The following UGT1A8 variants were observed in gnomAD, a reference collection of about 807,000 sequenced individuals.
The protein encoded by UGT1A8 is UDP-glucuronosyltransferase 1A8.
Under a neutral mutation model 45.3 loss-of-function variants are expected in UGT1A8, and 39 were observed. The ratio of observed to expected loss-of-function variants is 0.86; its 90% CI spans 0.67 to 1.12. The LOEUF (loss-of-function observed/expected upper bound fraction) is 1.12, where lower values mean the gene tolerates loss of function less well. Among genes scored for constraint, UGT1A8 ranks in the 50% most tolerant of loss-of-function variants. UGT1A8 has a pLI of 0.00. For synonymous variants in UGT1A8, 275 were observed against 249.2 expected (o/e 1.10, Z -0.97); for missense variants, 719 against 664.9 (o/e 1.08, Z -0.90).
chr2:233,759,854 G>T (rs1017536593), intron 1 of UGT1A8, among the ~76,000 whole-genome samples: 2 of 152,182 alleles, frequency 1.3e-5, no homozygotes, highest in African/African-American at 4.8e-5. Context: ...AGGTTTCCAT[G>T]GCGAAAGCGG....
rs777238544 is a variant in UGT1A8, at chr2:233,768,345, A to G, written c.1201A>G (p.Met401Val). ...FGDQMDNAKRMETKGAGVTLN... is the reference protein window; with the variant it reads ...FGDQMDNAKRVETKGAGVTLN... ...TGATCAGATGGACAATGCAAAGCGC[A>G]TGGAGACTAAGGGAGCTGGAGTGAC... Residue 401 changes from methionine (M) to valine (V), a missense_variant, in exon 4 of 5, where the codon ATG (methionine) becomes GTG (valine). Coordinates refer to ENST00000373450, the MANE Select transcript of UGT1A8 (RefSeq NM_019076.5). 3 of 1,614,098 alleles carry G rather than the reference A, an allele frequency of 1.9e-6. No individual in the cohort carries two copies. Among genetic ancestry groups the G allele is most frequent in the Non-Finnish European group, 2.5e-6 (3 of 1,180,044 alleles).
chr2:233,734,158 C>CT (rs2078493084), intron 1 of UGT1A8, among the ~76,000 whole-genome samples: 1 of 151,988 alleles, frequency 6.6e-6, no homozygotes, highest in African/African-American at 2.4e-5. Flanking sequence ...TGGTCCTGGA[C>CT]TTTTTTTGGT....
At chr2:233,762,867 G>T (rs1181874118) in intron 1 of UGT1A8, among the ~76,000 whole-genome samples, 2 of 151,628 alleles carry the variant, frequency 1.3e-5, no homozygotes, top group African/African-American at 2.4e-5. Flanking sequence ...AAGAAATTTT[G>T]GTTTCTTCTC....
At chr2:233,639,548 G>A (rs568952948) in intron 1 of UGT1A8, among the ~76,000 whole-genome samples, 1 of 152,306 alleles carries the variant, frequency 6.6e-6, no homozygotes, top group South Asian at 2.1e-4. Context: ...AGTCTCATCT[G>A]TCTGATGAGA....
chr2:233,635,259 G>A (rs2073260433), intron 1 of UGT1A8, among the ~76,000 whole-genome samples: 2 of 150,450 alleles, frequency 1.3e-5, no homozygotes, highest in Non-Finnish European at 2.9e-5. Flanking sequence ...CAACGTTGGT[G>A]AATCTGATGA....
chr2:233,634,914 G>T (rs773657012), intron 1 of UGT1A8, among the ~76,000 whole-genome samples: 4 of 150,746 alleles, frequency 2.7e-5, no homozygotes, highest in Non-Finnish European at 5.9e-5. Context: ...CCTGACAATT[G>T]GGTATGTTTG....
chr2:233,729,088 C>T (rs369653208), intron 1 of UGT1A8: 20 of 1,612,314 alleles, frequency 1.2e-5, no homozygotes, highest in African/African-American at 8.0e-5. Flanking sequence ...GCAGGCACAG[C>T]GTGGGGTGGA....
chr2:233,733,733 C>T (rs1439271515), intron 1 of UGT1A8, among the ~76,000 whole-genome samples: 1 of 152,152 alleles, frequency 6.6e-6, no homozygotes, highest in Non-Finnish European at 1.5e-5. Flanking sequence ...ATTTTTGCAT[C>T]GATGTTCATC....
At position 233,649,074 on chromosome 2, in the gene UGT1A8, A is replaced by T. The variant is rs559065546; in HGVS notation, c.855+30512A>T. On this transcript the variant is annotated intron_variant, in intron 1 of 4. Transcript: ENST00000373450. ...CATTAAAAGTATTCTGGATTTGAAT[A>T]TTTAAAAAGATTCCTTACGGAACTG... 3.8e-4 allele frequency: 334 copies of T among 873,034 alleles called. 2 individuals are homozygous for T. The South Asian group carries it at 0.01, about 27-fold the overall frequency. The allele number at this position is 873,034 out of a possible 1,614,324, so 54.1% of individuals were successfully genotyped here. A position where few individuals can be genotyped will look rare whatever the true frequency, so the allele number is the denominator to read the frequency against.
At chr2:233,633,968 A>G (rs574960697) in intron 1 of UGT1A8, among the ~76,000 whole-genome samples, 1 of 152,298 alleles carries the variant, frequency 6.6e-6, no homozygotes, top group South Asian at 2.1e-4. Context: ...TTCCCTCTGA[A>G]CATAGATTTA....
chr2:233,637,616 A>T (rs2073333763), intron 1 of UGT1A8, among the ~76,000 whole-genome samples: 1 of 152,204 alleles, frequency 6.6e-6, no homozygotes, highest in Admixed American at 6.5e-5. Context: ...CTACATTTTA[A>T]AATACGATGT....
chr2:233,704,593 A>G (rs1056281955), intron 1 of UGT1A8, among the ~76,000 whole-genome samples: 3 of 152,182 alleles, frequency 2.0e-5, no homozygotes, highest in Non-Finnish European at 2.9e-5. Context: ...GAGAGAAGAA[A>G]GAAGAGCAAG....
intron 1 of UGT1A8, among the ~76,000 whole-genome samples, chr2:233,710,938 C>T (rs1294280393): frequency 6.6e-6 from 1 of 152,316 alleles, no homozygotes; most frequent in East Asian, 1.9e-4. Context: ...TTGTTTAGGT[C>T]TTTGTTTATG....
chr2:233,772,311 G>T lies in UGT1A8; in HGVS notation c.1345G>T (p.Val449Leu), dbSNP rs587784536. 12 of 1,614,228 alleles carry T rather than the reference G, an allele frequency of 7.4e-6. No homozygotes were observed. In the Admixed American group the frequency reaches 1.5e-4, roughly 20 times the overall value. Residue 449 changes from valine (V) to leucine (L), a missense_variant, in exon 5 of 5, where the codon GTG becomes TTG. Transcript: ENST00000373450. ...RLSSLHKDRP[V>L]EPLDLAVFWV... ...CTCCAGCCTTCACAAGGACCGCCCG[G>T]TGGAGCCGCTGGACCTGGCCGTGTT...
chr2:233,724,947 G>C (rs941284896), intron 1 of UGT1A8, among the ~76,000 whole-genome samples: 2 of 144,584 alleles, frequency 1.4e-5, no homozygotes, highest in African/African-American at 5.3e-5. Context: ...CTGCAATCCC[G>C]GCACCTCGGG....
intron 1 of UGT1A8, chr2:233,729,977 GGAA>G: frequency 1.2e-6 from 2 of 1,614,018 alleles, no homozygotes; most frequent in African/African-American, 2.7e-5. Flanking sequence ...TGTGCCAACA[GGAA>G]GCCACTATCT....
intron 1 of UGT1A8, chr2:233,693,318 T>C (rs2075145288): frequency 6.2e-7 from 1 of 1,614,116 alleles, no homozygotes; most frequent in African/African-American, 1.3e-5. Context: ...CGATCATTCC[T>C]AACTGCTCCT....
chr2:233,724,233 G>C (rs1323099966), intron 1 of UGT1A8, among the ~76,000 whole-genome samples: 2 of 126,058 alleles, frequency 1.6e-5, no homozygotes, highest in Non-Finnish European at 3.4e-5. Flanking sequence ...CAGTAGGGGC[G>C]GCCGGGCAGA....
At chr2:233,626,143 GT>G (rs987004365) in intron 1 of UGT1A8, among the ~76,000 whole-genome samples, 4 of 151,850 alleles carry the variant, frequency 2.6e-5, no homozygotes, top group African/African-American at 7.3e-5. Context: ...ATTACTGTCT[GT>G]TTTTTTCTCT....
Sources: allele counts gnomAD v4.1 joint callset (sites outside exome capture counted in the v4.1 genomes callset), GRCh38; gene constraint gnomAD v4.1.1; transcripts MANE v1.5; gene names NCBI Gene and HGNC (gene_info 2026-07-23, HGNC 2026-07-21).